Variants in MLXIPL observed in about 807,000 individuals in gnomAD.
MLXIPL encodes the protein MLX interacting protein like.
In MLXIPL, 49 loss-of-function variants were observed where a neutral mutation model predicts 81.5. The ratio of observed to expected loss-of-function variants is 0.60; its 90% CI spans 0.48 to 0.76. The LOEUF is 0.76. Ranked by LOEUF, MLXIPL falls within the 30% of genes least tolerant of loss-of-function variation. The pLI, the probability that MLXIPL is intolerant of heterozygous loss-of-function variation, is 0.00. For synonymous variants in MLXIPL, 466 were observed against 485.5 expected, an observed-to-expected ratio of 0.96 and a Z score of 0.53; for missense variants, 1,053 against 1,167.0, an observed-to-expected ratio of 0.90 and a Z score of 1.42.
In MLXIPL at chr7:73,621,554, C is replaced by T. The variant is rs1796346667; in HGVS notation, c.293+2646G>A. ...CTGTAATCTGCTCCCCTCCAGGGGA[C>T]CCCTGGAACTGGGGGTCTTTGAGGA... On this transcript the variant is annotated intron_variant, in intron 1 of 16. Coordinates refer to ENST00000313375, the MANE Select transcript of MLXIPL (RefSeq NM_032951.3). Among the ~76,000 whole-genome samples the T allele has an allele frequency of 3.3e-5, 5 of 152,052 alleles. No homozygotes were observed. The South Asian group carries it at 1.0e-3, about 32-fold the overall frequency.
chr7:73,624,412 T>C lies in MLXIPL; in HGVS notation c.81A>G (p.Thr27=). 1 of 1,566,830 alleles carries C rather than the reference T, an allele frequency of 6.4e-7. No individual in the cohort carries two copies. The highest frequency in any genetic ancestry group is 8.6e-7 in the Non-Finnish European group (1 of 1,162,968). The change falls in exon 1 of 17, where the codon ACA becomes ACG. Residue 27 remains threonine (T), a synonymous_variant. Transcript: ENST00000313375. ...GCCGGAGACTCGGGTCCTCCGAGTC[T>C]GTGTCCGAGTCCGAGTCTGGGCTGG... ...VAPSPDSDSD[T]DSEDPSLRRS...
intron 1 of MLXIPL, among the ~76,000 whole-genome samples, chr7:73,617,173 G>A (rs1370268134): frequency 1.3e-5 from 2 of 152,000 alleles, no homozygotes; most frequent in African/African-American, 2.4e-5. Flanking sequence ...GCGCCACCAC[G>A]TTCAGCTAAT....
Position 73,595,628 on chromosome 7 carries a change from G to C in MLXIPL, c.2310+9C>G, listed in dbSNP as rs782388183. 1.9e-6 allele frequency: 3 copies of C among 1,614,174 alleles called. No homozygotes were observed. The highest frequency in any genetic ancestry group is 2.5e-6 in the Non-Finnish European group (3 of 1,180,008). ...GCAGCCCCCCAGCCATGGGCTTGAGGGAGGATACCACCCAGAACTTCCAGT... is the reference window on the plus strand; with the variant it reads ...GCAGCCCCCCAGCCATGGGCTTGAGCGAGGATACCACCCAGAACTTCCAGT... On this transcript the variant is annotated intron_variant, in intron 15 of 16. Transcript: ENST00000313375.
chr7:73,596,542 C>T lies in MLXIPL; in HGVS notation c.1823-63G>A. 1 of 1,605,572 alleles carries T rather than the reference C, an allele frequency of 6.2e-7. No individual in the cohort carries two copies. Among genetic ancestry groups the T allele is most frequent in the Non-Finnish European group, 8.5e-7 (1 of 1,175,928 alleles). The stretch of plus-strand genomic sequence containing the variant: ...CCAGGGGAAAGGGTCCCCATTGCCC[C>T]CTTCCTCTCATCTGGCCCCAGACCC... On this transcript the variant is annotated intron_variant, in intron 11 of 16. Coordinates refer to ENST00000313375, the MANE Select transcript of MLXIPL (RefSeq NM_032951.3). The surrounding 1 kb of genome is among the most constrained non-coding windows in gnomAD (Gnocchi z 4.7).
the MLXIPL span, among the ~76,000 whole-genome samples, chr7:73,635,768 A>G: frequency 6.6e-6 from 1 of 151,968 alleles, no homozygotes; most frequent in South Asian, 2.1e-4. Context: ...TCATCTACCA[A>G]TATGTCTATC....
chr7:73,602,575 G>C (rs1794969127), intron 7 of MLXIPL, among the ~76,000 whole-genome samples: 1 of 151,998 alleles, frequency 6.6e-6, no homozygotes, highest in Admixed American at 6.6e-5. Flanking sequence ...AGCTATTCTG[G>C]AGGCTGAGAC....
the MLXIPL span, among the ~76,000 whole-genome samples, chr7:73,631,558 CTTTTTTTTTTTTTT>C: frequency 4.3e-5 from 3 of 69,662 alleles, no homozygotes; most frequent in Non-Finnish European, 5.8e-5. Context: ...GATGTTGCTA[CTTTTTTTTTTTTTT>C]TTTTTTTTTT....
chr7:73,645,327 C>T, the MLXIPL span, among the ~76,000 whole-genome samples: 1 of 152,208 alleles, frequency 6.6e-6, no homozygotes, highest in Non-Finnish European at 1.5e-5. Context: ...TGCCTCTGGC[C>T]CTAGGGCAGT....
chr7:73,646,388 C>T, the MLXIPL span, among the ~76,000 whole-genome samples: 2 of 152,284 alleles, frequency 1.3e-5, no homozygotes, highest in Non-Finnish European at 2.9e-5. Flanking sequence ...ACATCATCTC[C>T]ACCAGTGCCA....
chr7:73,624,461 C>A lies in MLXIPL; in HGVS notation c.32G>T (p.Gly11Val). 1 of 1,546,896 alleles carries A rather than the reference C, an allele frequency of 6.5e-7. No individual in the cohort carries two copies. The highest frequency in any genetic ancestry group is 8.7e-7 in the Non-Finnish European group (1 of 1,154,302). Residue 11 changes from glycine (G) to valine (V), a missense_variant, in exon 1 of 17, where the codon GGC (glycine) becomes GTC (valine). Physicochemically the swap from Gly to Val is moderately radical, Grantham distance 109. Around this residue, in one of 3 missense-constraint regions of MLXIPL, gnomAD observed 226 missense variants for 216.2 expected, o/e 1.05. Coordinates refer to ENST00000313375, the MANE Select transcript of MLXIPL (RefSeq NM_032951.3). ...GGGCGCGACCCGCGGGACCTGCAAG[C>A]CCGCGGCCAGACCTGCCAGCGCGCC... MAGALAGLAAGLQVPRVAPSP... is the reference protein window; with the variant it reads MAGALAGLAAVLQVPRVAPSP...
the MLXIPL span, among the ~76,000 whole-genome samples, chr7:73,642,603 G>A: frequency 3.3e-5 from 5 of 152,104 alleles, no homozygotes; most frequent in Non-Finnish European, 7.4e-5. Context: ...TGATCCACCC[G>A]CCTCAGCTTC....
At chr7:73,608,523 G>T (rs1009964177) in intron 2 of MLXIPL, among the ~76,000 whole-genome samples, 3 of 151,974 alleles carry the variant, frequency 2.0e-5, no homozygotes, top group African/African-American at 7.2e-5. Context: ...GGAGGTGGAG[G>T]TTGCAGTGAG....
chr7:73,614,834 G>A (rs1239016900), intron 2 of MLXIPL, among the ~76,000 whole-genome samples: 5 of 142,588 alleles, frequency 3.5e-5, no homozygotes, highest in African/African-American at 5.5e-5. Context: ...TTTTTGAGAC[G>A]GAGTCTCGCC....
At chr7:73,617,493 G>A (rs1796073169) in intron 1 of MLXIPL, among the ~76,000 whole-genome samples, 1 of 152,136 alleles carries the variant, frequency 6.6e-6, no homozygotes, top group Non-Finnish European at 1.5e-5. Context: ...CCGCTAGGAT[G>A]AGCAAATGGT....
At chr7:73,644,899 T>C in the MLXIPL span, among the ~76,000 whole-genome samples, 2 of 152,128 alleles carry the variant, frequency 1.3e-5, no homozygotes, top group Non-Finnish European at 2.9e-5. Context: ...TGGACTGAGA[T>C]AGAAAGTGGA....
Position 73,596,826 on chromosome 7 carries a change from C to A in MLXIPL, c.1672-37G>T, listed in dbSNP as rs374711778. The A allele has an allele frequency of 3.7e-6, 6 of 1,608,604 alleles. No homozygotes were observed. In the Admixed American group the frequency reaches 6.8e-5, roughly 18 times the overall value. ...AAGGGCGGAGAGTCGGGTTGAAGGC[C>A]GTGGGCACAGCCCCACCGCCCAGTG... On this transcript the variant is annotated intron_variant, in intron 10 of 16. Transcript: ENST00000313375. This position sits in a 1 kb window ranked among gnomAD's most constrained non-coding sequence, Gnocchi z 4.7.
intron 6 of MLXIPL, 44 bp from the exon 7 acceptor site, chr7:73,605,812 A>G (rs1554597795): frequency 1.9e-6 from 3 of 1,601,000 alleles, no homozygotes; most frequent in East Asian, 2.3e-5. Flanking sequence ...GGCAGGGAGG[A>G]GCAGGGTCCC....
rs1053795692 is a variant in MLXIPL, at chr7:73,607,415, C to T, written c.489G>A (p.Val163=). The change falls in exon 4 of 17, where the codon GTG becomes GTA. Residue 163 remains valine, a synonymous_variant. Coordinates refer to ENST00000313375, the MANE Select transcript of MLXIPL (RefSeq NM_032951.3). ...GCTTCCAGTAGTTCCCCTCCAGGACCACGGCCTGGGGTAGGGGCCGGGGGA... is the reference window on the plus strand; with the variant it reads ...GCTTCCAGTAGTTCCCCTCCAGGACTACGGCCTGGGGTAGGGGCCGGGGGA... The part of the protein sequence containing the change: ...EADAHRKPEA[V]VLEGNYWKRR... The T allele has an allele frequency of 1.9e-6, 3 of 1,556,614 alleles. No homozygotes were observed. The highest frequency in any genetic ancestry group is 2.6e-6 in the Non-Finnish European group (3 of 1,149,620).
intron 7 of MLXIPL, 100 bp downstream of exon 7, chr7:73,605,586 ACC>A: frequency 2.0e-6 from 2 of 1,024,964 alleles, no homozygotes; most frequent in South Asian, 2.7e-5. Flanking sequence ...AAAAGAAACG[ACC>A]CAGACTATCA....
Sources: allele counts gnomAD v4.1 joint callset (sites outside exome capture counted in the v4.1 genomes callset), GRCh38; gene constraint gnomAD v4.1.1; regional missense constraint gnomAD v4.1.1; non-coding constraint Gnocchi (gnomAD v3.1); transcripts MANE v1.5; gene names NCBI Gene and HGNC (gene_info 2026-07-23, HGNC 2026-07-21).